The following NRDE2 variants were observed in gnomAD, a reference collection of about 807,000 sequenced individuals.
NRDE2 encodes NRDE-2, necessary for RNA interference, domain containing, also known as nuclear exosome regulator NRDE2.
Under a neutral mutation model 124.2 loss-of-function variants are expected in NRDE2, and 76 were observed. The observed-to-expected ratio is 0.61, with a 90% CI of 0.51 to 0.74. The LOEUF (loss-of-function observed/expected upper bound fraction) is 0.74. Among genes scored for constraint, NRDE2 ranks in the 30% least tolerant of loss-of-function variants. The pLI is 0.00. For missense variants in NRDE2, 1,314 were observed against 1,417.3 expected (o/e 0.93, Z 1.17); for synonymous variants, 489 against 528.1 (o/e 0.93, Z 1.01).
At position 90,270,109 on chromosome 14, in the gene NRDE2, G is replaced by C. The variant is rs191343301; in HGVS notation, c.*8227C>G. ...CAGAATTCTGTCCGACTGAAACTTC[G>C]TATGTAAGGAGATGGGCTGAGGCCT... On this transcript the variant is annotated 3_prime_UTR_variant, in exon 14 of 14. Transcript: ENST00000354366. 1,589 of 1,375,226 alleles carry C rather than the reference G, an allele frequency of 1.2e-3. 22 individuals are homozygous for C. The South Asian group carries it at 0.022, about 19-fold the overall frequency. The allele number at this position is 1,375,226 out of a possible 1,614,324, so 85.2% of individuals were successfully genotyped here.
In NRDE2 at chr14:90,317,683, A is replaced by G. The variant is rs145131753; in HGVS notation, c.173+322T>C. The G allele has an allele frequency of 1.8e-3, 341 of 189,484 alleles. 1 individual carries two copies. Among genetic ancestry groups the G allele is most frequent in the South Asian group, 6.2e-3 (33 of 5,292 alleles). 11.7% of individuals were successfully genotyped at this position (189,484 alleles called of 1,614,324 possible). On this transcript the variant is annotated intron_variant, in intron 2 of 13. Coordinates refer to ENST00000354366, the MANE Select transcript of NRDE2 (RefSeq NM_017970.4). ...CCTCTCTATTTTTACAAAAGGGTTG[A>G]AAATGTAACTAAAAAAATACCTGAA...
chr14:90,268,075 G>C lies in NRDE2; in HGVS notation c.*10261C>G. Reference sequence around the variant, plus strand: ...GTCCTCTTATCTACTTAGGAGAATGGAATGTCGTGACACTTGAATTGGTGC... The same window carrying C: ...GTCCTCTTATCTACTTAGGAGAATGCAATGTCGTGACACTTGAATTGGTGC... On this transcript the variant is annotated 3_prime_UTR_variant, in exon 14 of 14. Transcript: ENST00000354366. 6 of 601,286 alleles carry C rather than the reference G, an allele frequency of 1.0e-5. No individual in the cohort carries two copies. The highest frequency in any genetic ancestry group is 2.2e-5 in the South Asian group (1 of 44,750). 37.2% of individuals were successfully genotyped at this position (601,286 alleles called of 1,614,324 possible).
chr14:90,288,510 G>A lies in NRDE2; in HGVS notation c.2865C>T (p.Thr955=), dbSNP rs779282622. 1.2e-6 allele frequency: 2 copies of A among 1,614,124 alleles called. No individual in the cohort carries two copies. Among genetic ancestry groups the A allele is most frequent in the Admixed American group, 3.3e-5 (2 of 60,022 alleles). ...EGDSASSQSW[T]SVLEAITLMH... ...TCAGTGTGATGGCTTCGAGAACACT[G>A]GTCCAACTCTGGGAGCTGGCACTGT... The change falls in exon 11 of 14, where the codon ACC becomes ACT. Residue 955 remains threonine (T), a synonymous_variant. Transcript: ENST00000354366.
chr14:90,289,630 C>T (rs1360062104), intron 10 of NRDE2, among the ~76,000 whole-genome samples: 1 of 152,192 alleles, frequency 6.6e-6, no homozygotes, highest in East Asian at 1.9e-4. Flanking sequence ...CTCTGTCACC[C>T]AGGCTGGAGT....
rs1268575440 is a variant in NRDE2, at chr14:90,270,250, G to A, written c.*8086C>T. ...CCCTGCCTGATGAAAAGACGAAGAA[G>A]CGCATCTTTCAGATTCACACAAGCA... On this transcript the variant is annotated 3_prime_UTR_variant, in exon 14 of 14. Coordinates refer to ENST00000354366, the MANE Select transcript of NRDE2 (RefSeq NM_017970.4). 2 of 1,613,550 alleles carry A rather than the reference G, an allele frequency of 1.2e-6. No homozygotes were observed. The highest frequency in any genetic ancestry group is 1.3e-5 in the African/African-American group (1 of 74,832).
intron 3 of NRDE2, 88 bp from the exon 4 acceptor site, chr14:90,312,631 A>G: frequency 8.2e-7 from 1 of 1,224,542 alleles, no homozygotes; most frequent in Non-Finnish European, 1.2e-6. Flanking sequence ...TATGAGAGTT[A>G]AACACTTCAA....
In NRDE2 at chr14:90,316,854, G is replaced by A. The variant is rs538011959; in HGVS notation, c.174-43C>T. ...CTTTAAAATTACTTTCTAAAAAGAT[G>A]TAGGAAAAATAATACTATGTAAATA... On this transcript the variant is annotated intron_variant, in intron 2 of 13. Coordinates refer to ENST00000354366, the MANE Select transcript of NRDE2 (RefSeq NM_017970.4). 2.3e-6 allele frequency: 3 copies of A among 1,302,076 alleles called. No homozygotes were observed. In the South Asian group the frequency reaches 3.9e-5, roughly 17 times the overall value. The allele number at this position is 1,302,076 out of a possible 1,614,324, so 80.7% of individuals were successfully genotyped here.
intron 7 of NRDE2, among the ~76,000 whole-genome samples, chr14:90,300,798 C>T (rs1398049386): frequency 4.1e-5 from 1 of 24,668 alleles, no homozygotes; most frequent in African/African-American, 1.6e-4. Context: ...TTTAAAATGG[C>T]ATGACAACTG....
intron 1 of NRDE2, among the ~76,000 whole-genome samples, chr14:90,324,502 C>A (rs765800380): frequency 1.3e-5 from 2 of 151,724 alleles, no homozygotes; most frequent in African/African-American, 2.4e-5. Context: ...ATGGTGAAAC[C>A]CCATCTCTAC....
intron 11 of NRDE2, among the ~76,000 whole-genome samples, chr14:90,287,771 A>G (rs767031128): frequency 7.9e-5 from 12 of 152,132 alleles, no homozygotes; most frequent in Non-Finnish European, 1.6e-4. Flanking sequence ...GACCCTATGA[A>G]GTAGGTTTTT....
At chr14:90,318,901 T>G (rs1472864289) in intron 1 of NRDE2, among the ~76,000 whole-genome samples, 4 of 152,158 alleles carry the variant, frequency 2.6e-5, no homozygotes, top group Admixed American at 2.6e-4. Context: ...ATATTCCATG[T>G]TCTACCTTAG....
At position 90,288,316 on chromosome 14, in the gene NRDE2, A is replaced by G. The variant is rs1470180054; in HGVS notation, c.3059T>C (p.Phe1020Ser). 6.2e-7 allele frequency: 1 copy of G among 1,614,046 alleles called. No homozygotes were observed. The highest frequency in any genetic ancestry group is 1.3e-5 in the African/African-American group (1 of 74,908). ...GGCAGACCTGGTGATTGTGTCAAAA[A>G]ATCTCCTGGTTTTGCTGGCACTGTG... ...KSHSASKTRR[F>S]FDTITRSAKP... Residue 1020 changes from phenylalanine to serine, a missense_variant, in exon 11 of 14, where the codon TTT becomes TCT. Coordinates refer to ENST00000354366, the MANE Select transcript of NRDE2 (RefSeq NM_017970.4).
chr14:90,278,024 G>A lies in NRDE2; in HGVS notation c.*312C>T, dbSNP rs967957111. 6 of 235,786 alleles carry A rather than the reference G, an allele frequency of 2.5e-5. No individual in the cohort carries two copies. The highest frequency in any genetic ancestry group is 1.9e-4 in the East Asian group (2 of 10,360). 14.6% of individuals were successfully genotyped at this position (235,786 alleles called of 1,614,324 possible). ...CCGTGCGGGGGCCAGTGCTGGCTGC[G>A]CACAGGGAGAGAATGAGCAAGGACG... On this transcript the variant is annotated 3_prime_UTR_variant, in exon 14 of 14. Transcript: ENST00000354366.
intron 4 of NRDE2, among the ~76,000 whole-genome samples, chr14:90,310,479 C>T (rs529917789): frequency 1.3e-5 from 2 of 151,822 alleles, no homozygotes; most frequent in East Asian, 3.9e-4. Context: ...CACACAGCAC[C>T]ACAGCCACTA....
At chr14:90,294,676 G>C (rs926918825) in intron 8 of NRDE2, among the ~76,000 whole-genome samples, 3 of 152,128 alleles carry the variant, frequency 2.0e-5, no homozygotes, top group East Asian at 3.9e-4. Context: ...TGGGGCCTGG[G>C]GGGAGGGAGA....
intron 12 of NRDE2, among the ~76,000 whole-genome samples, chr14:90,282,343 G>A (rs1237913283): frequency 6.6e-6 from 1 of 151,952 alleles, no homozygotes; most frequent in African/African-American, 2.4e-5. Context: ...AGGCATGGTC[G>A]TGCATGCCTG....
At chr14:90,309,098 A>G (rs1884726808) in intron 4 of NRDE2, among the ~76,000 whole-genome samples, 1 of 151,980 alleles carries the variant, frequency 6.6e-6, no homozygotes, top group African/African-American at 2.4e-5. Context: ...AAAATACAAA[A>G]AAACTAGCCG....
rs138831242 is a variant in NRDE2 at position 90,278,947 on chromosome 14, G to A, written c.3369+115C>T. The A allele has an allele frequency of 1.9e-4, 142 of 758,628 alleles. 2 individuals are homozygous for A. The East Asian group carries it at 3.2e-3, about 17-fold the overall frequency. The allele number at this position is 758,628 out of a possible 1,614,324, so 47.0% of individuals were successfully genotyped here. On this transcript the variant is annotated intron_variant, in intron 13 of 13. Transcript: ENST00000354366. ...GATGTACCTTGGGACAGGGTATGGC[G>A]TCCATGAGCCGAGCATCCCCGGTGC...
intron 13 of NRDE2, chr14:90,278,755 C>A (rs1891871035): frequency 1.9e-6 from 1 of 535,242 alleles, no homozygotes; most frequent in Non-Finnish European, 3.4e-6. Flanking sequence ...GACCTGGGCT[C>A]TCACAGCCAG....
Sources: gnomAD v4.1 joint callset for allele counts (sites outside exome capture counted in the v4.1 genomes callset) on GRCh38, gnomAD v4.1.1 for gene constraint, MANE v1.5 for transcripts, NCBI Gene and HGNC (gene_info 2026-07-23, HGNC 2026-07-21) for gene names.